The following EYA4 variants were observed in gnomAD, a reference collection of about 807,000 sequenced individuals.
The protein encoded by EYA4 is protein phosphatase EYA4.
EYA4 carries 31 observed loss-of-function variants against 87.9 expected under a neutral mutation model. The observed-to-expected ratio is 0.35, with a 90% CI of 0.27 to 0.48. EYA4 has a LOEUF of 0.48. Among genes scored for constraint, EYA4 ranks in the 20% least tolerant of loss-of-function variants. The pLI, the probability that EYA4 is intolerant of heterozygous loss-of-function variation, is 0.99. For synonymous variants in EYA4, 263 were observed against 270.6 expected (o/e 0.97, Z 0.28); for missense variants, 678 against 761.4 (o/e 0.89, Z 1.29).
At position 133,515,608 on chromosome 6, in the gene EYA4, A is replaced by T. The variant is rs993500295; in HGVS notation, c.1616+173A>T. Reference sequence around the variant, plus strand: ...GCATGTGCATGAGAGAGAGAGAGAGAGAGTGTGTGTGTGAGTGTGTGTGTG... The same window carrying T: ...GCATGTGCATGAGAGAGAGAGAGAGTGAGTGTGTGTGTGAGTGTGTGTGTG... On this transcript the variant is annotated intron_variant, in intron 17 of 19. Coordinates refer to ENST00000355286, the MANE Select transcript of EYA4 (RefSeq NM_004100.5). Among the ~76,000 whole-genome samples the T allele has an allele frequency of 7.3e-6, 1 of 136,644 alleles. No individual in the cohort carries two copies. The highest frequency in any genetic ancestry group is 1.5e-5 in the Non-Finnish European group (1 of 65,692). 89.6% of individuals were successfully genotyped at this position (136,644 alleles called of 152,430 possible). A position where few individuals can be genotyped will look rare whatever the true frequency, so the allele number is the denominator to read the frequency against.
At chr6:133,428,619 G>A (rs1037996554) in intron 3 of EYA4, among the ~76,000 whole-genome samples, 1 of 152,238 alleles carries the variant, frequency 6.6e-6, no homozygotes, top group African/African-American at 2.4e-5. Flanking sequence ...GTCTCCTTTT[G>A]CACTGCCATC....
intron 2 of EYA4, among the ~76,000 whole-genome samples, chr6:133,367,263 T>C (rs1784921826): frequency 6.6e-6 from 1 of 152,190 alleles, no homozygotes; most frequent in South Asian, 2.1e-4. Flanking sequence ...TGTGTACTCA[T>C]GCTGAGAAGA....
chr6:133,298,887 C>A (rs965254414), intron 2 of EYA4, among the ~76,000 whole-genome samples: 1 of 152,206 alleles, frequency 6.6e-6, no homozygotes, highest in Non-Finnish European at 1.5e-5. Flanking sequence ...CTTTTAGGGG[C>A]AGCACCCTTT....
chr6:133,426,045 G>A (rs1034661213), intron 3 of EYA4, among the ~76,000 whole-genome samples: 2 of 150,828 alleles, frequency 1.3e-5, no homozygotes, highest in African/African-American at 2.5e-5. Flanking sequence ...GGAATGTTTC[G>A]CCAACTTTGA....
At chr6:133,494,829 T>C (rs990023318) in intron 13 of EYA4, among the ~76,000 whole-genome samples, 1 of 150,442 alleles carries the variant, frequency 6.6e-6, no homozygotes, top group South Asian at 2.1e-4. Context: ...CCAGCCCAGA[T>C]GTCAGAGTAA....
chr6:133,278,684 C>A (rs982903999), intron 2 of EYA4, among the ~76,000 whole-genome samples: 1 of 152,010 alleles, frequency 6.6e-6, no homozygotes. Flanking sequence ...TGCATATGAC[C>A]AAAATAAAGT....
chr6:133,258,579 A>C (rs988598622), intron 1 of EYA4, among the ~76,000 whole-genome samples: 16 of 152,038 alleles, frequency 1.1e-4, no homozygotes, highest in Admixed American at 1.0e-3. Context: ...TAGTGATGAC[A>C]CCTGCCCTCC....
intron 2 of EYA4, among the ~76,000 whole-genome samples, chr6:133,335,218 G>C (rs1389837562): frequency 1.3e-5 from 2 of 152,176 alleles, no homozygotes; most frequent in Admixed American, 1.3e-4. Context: ...GTTCAGCAAT[G>C]CACCTGTGTA....
intron 1 of EYA4, among the ~76,000 whole-genome samples, chr6:133,272,657 T>TATGGGGGCCTGGC (rs1276144840): frequency 6.6e-6 from 1 of 152,156 alleles, no homozygotes; most frequent in Admixed American, 6.5e-5. Context: ...GTCATTCACC[T>TATGGGGGCCTGGC]ATGGGGGCCT....
intron 2 of EYA4, among the ~76,000 whole-genome samples, chr6:133,343,822 AT>A (rs1475103145): frequency 6.6e-6 from 1 of 152,072 alleles, no homozygotes; most frequent in Non-Finnish European, 1.5e-5. Flanking sequence ...ATATTTACAT[AT>A]GTAAAAGTCC....
chr6:133,315,698 C>CA (rs1780570712), intron 2 of EYA4, among the ~76,000 whole-genome samples: 1 of 152,034 alleles, frequency 6.6e-6, no homozygotes, highest in Non-Finnish European at 1.5e-5. Context: ...ACCACGGAGA[C>CA]AAACAGGAAG....
chr6:133,360,416 A>T (rs1784368074), intron 2 of EYA4: 2 of 152,346 alleles, frequency 1.3e-5, no homozygotes, highest in East Asian at 1.9e-4. Context: ...AGAGAAACAG[A>T]TGCTACTGTG....
chr6:133,466,773 T>TAAAAA (rs5880182), intron 10 of EYA4, among the ~76,000 whole-genome samples: 1 of 136,466 alleles, frequency 7.3e-6, no homozygotes. Flanking sequence ...TCACTGAACT[T>TAAAAA]AAAAAAAAAA....
intron 17 of EYA4, among the ~76,000 whole-genome samples, chr6:133,518,480 T>C (rs569213034): frequency 3.0e-4 from 45 of 152,126 alleles, no homozygotes; most frequent in Non-Finnish European, 6.0e-4. Context: ...ACCAACCCAA[T>C]AGTTTTCACA....
chr6:133,469,568 A>C (rs540605892), intron 11 of EYA4, among the ~76,000 whole-genome samples: 1 of 152,134 alleles, frequency 6.6e-6, no homozygotes, highest in African/African-American at 2.4e-5. Flanking sequence ...TGGATTTTTG[A>C]ATCAGGATAC....
chr6:133,473,767 C>A (rs1013574449), intron 11 of EYA4, among the ~76,000 whole-genome samples: 10 of 151,940 alleles, frequency 6.6e-5, no homozygotes, highest in African/African-American at 2.4e-4. Flanking sequence ...CCCTGGGTAT[C>A]TGTACCCCTT....
chr6:133,413,315 T>C (rs80127503), intron 3 of EYA4, among the ~76,000 whole-genome samples: 8,343 of 152,252 alleles, frequency 0.055, 683 homozygotes, highest in African/African-American at 0.17. Flanking sequence ...CACGGATAAA[T>C]TAAAAGCCTG....
intron 2 of EYA4, chr6:133,363,295 C>G (rs1784592018): frequency 6.6e-6 from 1 of 152,206 alleles, no homozygotes; most frequent in South Asian, 2.1e-4. Flanking sequence ...ACCCTAATGA[C>G]CTCTTTGGAG....
intron 13 of EYA4, among the ~76,000 whole-genome samples, chr6:133,505,310 C>A (rs181508873): frequency 1.3e-5 from 2 of 152,270 alleles, no homozygotes; most frequent in East Asian, 3.9e-4. Context: ...AAAGTAACAA[C>A]TCTGGTCTTG....
Sources: gnomAD v4.1 joint callset for allele counts (sites outside exome capture counted in the v4.1 genomes callset) on GRCh38, gnomAD v4.1.1 for gene constraint, MANE v1.5 for transcripts, NCBI Gene and HGNC (gene_info 2026-07-23, HGNC 2026-07-21) for gene names.